Variants in MCHR2 observed in about 807,000 individuals in gnomAD.
MCHR2 encodes melanin concentrating hormone receptor 2, also known as melanin-concentrating hormone receptor 2.
A neutral mutation model predicts 24.8 loss-of-function variants in MCHR2; 15 were observed. The ratio of observed to expected loss-of-function variants is 0.60; its 90% confidence interval spans 0.40 to 0.93. The LOEUF (loss-of-function observed/expected upper bound fraction) is 0.93. MCHR2 is among the 40% of genes least tolerant of loss of function. The pLI, the probability that MCHR2 is intolerant of heterozygous loss-of-function variation, is 0.00. For missense variants in MCHR2, 386 were observed against 408.7 expected (o/e 0.94, Z 0.48); for synonymous variants, 151 against 147.6 (o/e 1.02, Z -0.17).
At chr6:99,940,380 C>A (rs2397435) in intron 4 of MCHR2, among the ~76,000 whole-genome samples, 1 of 151,648 alleles carries the variant, frequency 6.6e-6, no homozygotes, top group African/African-American at 2.4e-5. Context: ...TTTTTAGTAA[C>A]TTTTTCAGTT....
At chr6:99,926,479 C>A (rs1465553692) in intron 5 of MCHR2, among the ~76,000 whole-genome samples, 1 of 151,556 alleles carries the variant, frequency 6.6e-6, no homozygotes, top group African/African-American at 2.4e-5. Context: ...TATTTCTCCA[C>A]ATCCTCTCCA....
Position 99,920,946 on chromosome 6 carries a change from G to A in MCHR2, c.1017C>T (p.His339=). The A allele has an allele frequency of 6.2e-7, 1 of 1,613,752 alleles. No homozygotes were observed. Among genetic ancestry groups the A allele is most frequent in the South Asian group, 1.1e-5 (1 of 91,048 alleles). The change falls in exon 6 of 6, where the codon CAC becomes CAT. Residue 339 remains histidine, a synonymous_variant. Coordinates refer to ENST00000281806, the MANE Select transcript of MCHR2 (RefSeq NM_001040179.2). Reference sequence around the variant, plus strand: ...TGGTGATCCATGTACTTTCCTAAAAGTGTGATTTCAGAGTGTTTCCCATAT... The same window carrying A: ...TGGTGATCCATGTACTTTCCTAAAAATGTGATTTCAGAGTGTTTCCCATAT... ...INNMGNTLKS[H]F
intron 2 of MCHR2, among the ~76,000 whole-genome samples, chr6:99,949,137 C>G (rs1774924811): frequency 6.6e-6 from 1 of 152,162 alleles, no homozygotes; most frequent in Admixed American, 6.5e-5. Context: ...CTGGGAGATT[C>G]TGTTCATTAA....
At chr6:99,967,650 C>T (rs1775318424) in intron 1 of MCHR2, among the ~76,000 whole-genome samples, 1 of 152,140 alleles carries the variant, frequency 6.6e-6, no homozygotes, top group South Asian at 2.1e-4. Flanking sequence ...AAAAAACCTA[C>T]TGCTAATGGA....
chr6:99,931,431 T>C (rs1180969572), intron 5 of MCHR2, among the ~76,000 whole-genome samples: 1 of 152,212 alleles, frequency 6.6e-6, no homozygotes, highest in Non-Finnish European at 1.5e-5. Flanking sequence ...GTCTGTGCCC[T>C]GCCCCCAGAG....
chr6:99,928,446 G>A (rs1431459042), intron 5 of MCHR2, among the ~76,000 whole-genome samples: 2 of 151,996 alleles, frequency 1.3e-5, no homozygotes, highest in African/African-American at 2.4e-5. Context: ...GGTAGAATTC[G>A]GCTGTGAATC....
At chr6:99,972,355 G>T (rs1775443946) in intron 1 of MCHR2, among the ~76,000 whole-genome samples, 1 of 152,204 alleles carries the variant, frequency 6.6e-6, no homozygotes, top group African/African-American at 2.4e-5. Flanking sequence ...GCATAGAGGT[G>T]TTGGTAGTAT....
intron 1 of MCHR2, among the ~76,000 whole-genome samples, chr6:99,991,802 C>T (rs1288723128): frequency 2.8e-5 from 1 of 36,330 alleles, no homozygotes; most frequent in Non-Finnish European, 6.0e-5. Flanking sequence ...GAGTGAGACT[C>T]CGTCTCAAAA....
chr6:99,978,575 C>A (rs923930001), intron 1 of MCHR2, among the ~76,000 whole-genome samples: 1 of 151,902 alleles, frequency 6.6e-6, no homozygotes. Context: ...CCCACCACCA[C>A]GCCCAGCTAA....
At chr6:99,974,303 ATTCAT>A (rs1775500570) in intron 1 of MCHR2, among the ~76,000 whole-genome samples, 1 of 151,864 alleles carries the variant, frequency 6.6e-6, no homozygotes. Context: ...ACTTCATTTC[ATTCAT>A]TTCATCTTCC....
At chr6:99,959,517 T>A (rs1476989231) in intron 1 of MCHR2, among the ~76,000 whole-genome samples, 1 of 150,984 alleles carries the variant, frequency 6.6e-6, no homozygotes, top group African/African-American at 2.4e-5. Context: ...GCCAAGTAAA[T>A]TTTCAGAAAT....
rs201955415 is a variant in MCHR2 at position 99,942,960 on chromosome 6, G to A, written c.576C>T (p.Asp192=). The A allele has an allele frequency of 8.1e-6, 13 of 1,610,956 alleles. No individual in the cohort carries two copies. The highest frequency in any genetic ancestry group is 1.7e-4 in the Middle Eastern group (1 of 6,032). Residue 192 remains aspartate, a synonymous_variant, in exon 4 of 6, where the codon GAC becomes GAT. Coordinates refer to ENST00000281806, the MANE Select transcript of MCHR2 (RefSeq NM_001040179.2). The stretch of plus-strand genomic sequence containing the variant: ...TTTTCACAACTTACCAGAGTACATC[G>A]TCAGGGGATGTCAAATCAAAAGCAC... ...ESCAFDLTSP[D]DVLWYTLYLT...
intron 4 of MCHR2, among the ~76,000 whole-genome samples, chr6:99,938,612 A>G (rs1774712674): frequency 6.6e-6 from 1 of 152,034 alleles, no homozygotes; most frequent in Admixed American, 6.6e-5. Flanking sequence ...GTGGCCTGAT[A>G]GGATTATTCT....
intron 3 of MCHR2, among the ~76,000 whole-genome samples, chr6:99,946,020 A>T (rs199628906): frequency 1.9e-4 from 28 of 144,364 alleles, no homozygotes; most frequent in African/African-American, 4.0e-4. Context: ...ATACCTGTTT[A>T]TTTTTTTTTT....
chr6:99,942,821 C>T (rs907162073), intron 4 of MCHR2, 128 bp downstream of exon 4: 3 of 673,906 alleles, frequency 4.5e-6, no homozygotes, highest in African/African-American at 1.8e-5. Context: ...TGTGGAGAAA[C>T]CTAATGGAGA....
chr6:99,938,456 T>C (rs1320741005), intron 4 of MCHR2, among the ~76,000 whole-genome samples: 1 of 152,138 alleles, frequency 6.6e-6, no homozygotes, highest in Non-Finnish European at 1.5e-5. Context: ...ATTGACCCAC[T>C]AATCATTCAG....
intron 1 of MCHR2, among the ~76,000 whole-genome samples, chr6:99,966,495 GTCTT>G (rs1382000203): frequency 1.3e-5 from 2 of 152,108 alleles, no homozygotes; most frequent in Admixed American, 6.6e-5. Flanking sequence ...TAATCTACTT[GTCTT>G]TCTTCTTGTT....
chr6:99,923,012 C>T (rs1177896019), intron 5 of MCHR2, among the ~76,000 whole-genome samples: 1 of 152,010 alleles, frequency 6.6e-6, no homozygotes, highest in Non-Finnish European at 1.5e-5. Flanking sequence ...ACTGATTTTT[C>T]CAAACAATGA....
In MCHR2 at chr6:99,948,025, G is replaced by A. The variant is rs547602698; in HGVS notation, c.183-54C>T. The A allele has an allele frequency of 1.0e-5, 15 of 1,464,200 alleles. No individual in the cohort carries two copies. The East Asian group carries it at 1.4e-4, about 13-fold the overall frequency. 90.7% of individuals were successfully genotyped at this position (1,464,200 alleles called of 1,614,324 possible). A position where few individuals can be genotyped will look rare whatever the true frequency, so the allele number is the denominator to read the frequency against. ...GACATTGAATGTATACAGACTATTCGATATATGCTACCTCATACAAATTTT... is the reference window on the plus strand; with the variant it reads ...GACATTGAATGTATACAGACTATTCAATATATGCTACCTCATACAAATTTT... On this transcript the variant is annotated intron_variant, in intron 2 of 5. Transcript: ENST00000281806.
Sources: gnomAD v4.1 joint callset for allele counts (sites outside exome capture counted in the v4.1 genomes callset) on GRCh38, gnomAD v4.1.1 for gene constraint, MANE v1.5 for transcripts, NCBI Gene and HGNC (gene_info 2026-07-23, HGNC 2026-07-21) for gene names.